The following TXNDC16 variants were observed in gnomAD, a reference collection of about 807,000 sequenced individuals.
The protein encoded by TXNDC16 is thioredoxin domain containing 16.
A neutral mutation model predicts 85.6 loss-of-function variants in TXNDC16; 74 were observed. The ratio of observed to expected loss-of-function variants is 0.86; its 90% confidence interval spans 0.72 to 1.05. TXNDC16 has a LOEUF of 1.05. Among genes scored for constraint, TXNDC16 ranks in the 50% least tolerant of loss-of-function variants. The pLI, the probability that TXNDC16 is intolerant of heterozygous loss-of-function variation, is 0.00. For missense variants in TXNDC16, 959 were observed against 947.0 expected (o/e 1.01, Z -0.17); for synonymous variants, 335 against 326.5 (o/e 1.03, Z -0.28).
At chr14:52,481,088 G>C (rs1290854386) in intron 14 of TXNDC16, among the ~76,000 whole-genome samples, 5 of 151,010 alleles carry the variant, frequency 3.3e-5, no homozygotes. Context: ...TTCTAACTCA[G>C]GAATGAAAAA....
At chr14:52,443,698 G>C (rs1318940984) in intron 18 of TXNDC16, among the ~76,000 whole-genome samples, 1 of 152,202 alleles carries the variant, frequency 6.6e-6, no homozygotes, top group Non-Finnish European at 1.5e-5. Flanking sequence ...GCCTTCATAA[G>C]TATTCTAGCT....
rs917376658 is a variant in TXNDC16 at position 52,470,822 on chromosome 14, C to G, written c.1313-142G>C. ...TGCTTAAACACTCTCTTCCCTTGAT[C>G]TTTGCAACACCATTCCCTGTTGGCC... On this transcript the variant is annotated intron_variant, in intron 14 of 20. Transcript: ENST00000281741. 4.4e-6 allele frequency: 3 copies of G among 683,586 alleles called. No homozygotes were observed. In the African/African-American group the frequency reaches 5.6e-5, roughly 13 times the overall value. The allele number at this position is 683,586 out of a possible 1,614,324, so 42.3% of individuals were successfully genotyped here. A position where few individuals can be genotyped will look rare whatever the true frequency, so the allele number is the denominator to read the frequency against.
chr14:52,550,901 C>T (rs754665324), intron 1 of TXNDC16, among the ~76,000 whole-genome samples: 24 of 152,098 alleles, frequency 1.6e-4, no homozygotes, highest in Non-Finnish European at 3.1e-4. Context: ...AATTGTGTAC[C>T]GCCCTGACCA....
chr14:52,481,327 G>T (rs956922392), intron 14 of TXNDC16, among the ~76,000 whole-genome samples: 7 of 151,858 alleles, frequency 4.6e-5, no homozygotes, highest in Non-Finnish European at 1.0e-4. Flanking sequence ...AACACCACCT[G>T]TTCCCCAGTA....
intron 18 of TXNDC16, among the ~76,000 whole-genome samples, chr14:52,442,803 C>T (rs1566529496): frequency 6.6e-6 from 1 of 152,102 alleles, no homozygotes; most frequent in East Asian, 1.9e-4. Context: ...TCAATTCAAA[C>T]ATTTATTGAG....
chr14:52,441,648 A>T (rs527303941), intron 18 of TXNDC16, among the ~76,000 whole-genome samples: 15 of 151,804 alleles, frequency 9.9e-5, no homozygotes, highest in African/African-American at 3.6e-4. Flanking sequence ...CAAGATAAGG[A>T]GGTAATCATT....
At chr14:52,488,097 T>C (rs1009202624) in intron 12 of TXNDC16, among the ~76,000 whole-genome samples, 1 of 152,224 alleles carries the variant, frequency 6.6e-6, no homozygotes, top group Non-Finnish European at 1.5e-5. Flanking sequence ...CTGAAAGAAC[T>C]GATATGGAAG....
At chr14:52,453,220 A>G (rs1594690117) in intron 18 of TXNDC16, among the ~76,000 whole-genome samples, 1 of 152,126 alleles carries the variant, frequency 6.6e-6, no homozygotes, top group Non-Finnish European at 1.5e-5. Context: ...CCCCTCGTAT[A>G]CTCTCAGTGG....
At chr14:52,530,657 T>C (rs1343270190) in intron 6 of TXNDC16, among the ~76,000 whole-genome samples, 1 of 123,242 alleles carries the variant, frequency 8.1e-6, no homozygotes, top group South Asian at 2.3e-4. Flanking sequence ...CCTAGGTATA[T>C]ATATGTGTAT....
Position 52,456,534 on chromosome 14 carries a change from T to G in TXNDC16, c.1703+556A>C, listed in dbSNP as rs117587090. 4.1e-3 allele frequency among the ~76,000 whole-genome samples: 624 copies of G among 152,282 alleles called. 1 individual carries two copies. The highest frequency in any genetic ancestry group is 6.1e-3 in the Non-Finnish European group (412 of 68,022). ...GCTAAGAAAGACAAACTACTGGGGC[T>G]TAGTAAGTACACCTATACCTGAAAA... is the stretch of plus-strand genomic sequence containing the variant. On this transcript the variant is annotated intron_variant, in intron 17 of 20. Coordinates refer to ENST00000281741, the MANE Select transcript of TXNDC16 (RefSeq NM_020784.3).
intron 20 of TXNDC16, among the ~76,000 whole-genome samples, chr14:52,437,774 TGAAAA>T (rs1189521759): frequency 1.3e-5 from 2 of 152,208 alleles, no homozygotes; most frequent in Non-Finnish European, 2.9e-5. Context: ...TAGACACTTC[TGAAAA>T]GAAGACATTC....
chr14:52,484,130 A>G (rs1490083234), intron 12 of TXNDC16, among the ~76,000 whole-genome samples: 1 of 150,592 alleles, frequency 6.6e-6, no homozygotes, highest in Admixed American at 6.6e-5. Context: ...GAAAATCCTT[A>G]TATTTCTGAA....
intron 6 of TXNDC16, among the ~76,000 whole-genome samples, chr14:52,529,043 A>G (rs2037410186): frequency 6.7e-6 from 1 of 149,046 alleles, no homozygotes. Context: ...TATCTATATA[A>G]TACCTATTAT....
At chr14:52,462,479 T>C (rs1023028179) in intron 16 of TXNDC16, among the ~76,000 whole-genome samples, 1 of 152,238 alleles carries the variant, frequency 6.6e-6, no homozygotes, top group Non-Finnish European at 1.5e-5. Flanking sequence ...CATGCCTGGC[T>C]AATTTTTGTA....
At chr14:52,514,745 A>C in intron 8 of TXNDC16, 135 bp downstream of exon 8, 1 of 611,296 alleles carries the variant, frequency 1.6e-6, no homozygotes, top group Non-Finnish European at 2.9e-6. Flanking sequence ...GGTTTCATTT[A>C]TATATTCACA....
At chr14:52,432,837 A>C (rs1378285035) in intron 20 of TXNDC16, among the ~76,000 whole-genome samples, 1 of 152,172 alleles carries the variant, frequency 6.6e-6, no homozygotes, top group Non-Finnish European at 1.5e-5. Context: ...AAAAAGTATG[A>C]ATAGGGGAAA....
At chr14:52,495,628 T>C (rs1019660902) in intron 9 of TXNDC16, among the ~76,000 whole-genome samples, 1 of 152,034 alleles carries the variant, frequency 6.6e-6, no homozygotes, top group Non-Finnish European at 1.5e-5. Context: ...TGAACCTCTT[T>C]TGCATGTGGG....
intron 18 of TXNDC16, among the ~76,000 whole-genome samples, chr14:52,449,473 T>C (rs2035358634): frequency 6.6e-6 from 1 of 152,004 alleles, no homozygotes; most frequent in Non-Finnish European, 1.5e-5. Flanking sequence ...GGGCCAAAGA[T>C]AGAGATAAAC....
At chr14:52,542,947 A>G (rs183378240) in intron 3 of TXNDC16, among the ~76,000 whole-genome samples, 14 of 152,346 alleles carry the variant, frequency 9.2e-5, no homozygotes, top group African/African-American at 3.1e-4. Context: ...CTCAATAGTT[A>G]TATTAGTTAA....
Sources: allele counts gnomAD v4.1 joint callset (sites outside exome capture counted in the v4.1 genomes callset), GRCh38; gene constraint gnomAD v4.1.1; transcripts MANE v1.5; gene names NCBI Gene and HGNC (gene_info 2026-07-23, HGNC 2026-07-21).